Variants in ENPP1 observed in about 807,000 individuals in gnomAD.
ENPP1 encodes ectonucleotide pyrophosphatase/phosphodiesterase family member 1.
A neutral mutation model predicts 122.8 loss-of-function variants in ENPP1; 73 were observed. That is an observed-to-expected ratio of 0.59 (90% confidence interval 0.49 to 0.72). The LOEUF (loss-of-function observed/expected upper bound fraction) is 0.72, where lower values mean the gene tolerates loss of function less well. Ranked by LOEUF, ENPP1 falls within the 30% of genes least tolerant of loss-of-function variation. The pLI, the probability that ENPP1 is intolerant of heterozygous loss-of-function variation, is 0.00. For missense variants in ENPP1, 978 were observed against 1,128.1 expected, an observed-to-expected ratio of 0.87 and a Z score of 1.91; for synonymous variants, 367 against 391.6, an observed-to-expected ratio of 0.94 and a Z score of 0.74.
In ENPP1 at chr6:131,882,335, C is replaced by T. The variant is rs70961712; in HGVS notation, c.2101-10C>T. On this transcript the variant is annotated splice_polypyrimidine_tract_variant and intron_variant, in intron 20 of 24. Coordinates refer to ENST00000647893, the MANE Select transcript of ENPP1 (RefSeq NM_006208.3). Reference sequence around the variant, plus strand: ...GATATCTGAGAGTTCTTCTCATTTTCGTTCTTCAGGACAGTTTCTCTACGG... The same window carrying T: ...GATATCTGAGAGTTCTTCTCATTTTTGTTCTTCAGGACAGTTTCTCTACGG... The T allele has an allele frequency of 3.2e-6, 5 of 1,586,192 alleles. No homozygotes were observed. Among genetic ancestry groups the T allele is most frequent in the Middle Eastern group, 1.7e-4 (1 of 5,922 alleles).
chr6:131,832,560 C>T (rs1206537736), intron 1 of ENPP1, among the ~76,000 whole-genome samples: 2 of 152,220 alleles, frequency 1.3e-5, no homozygotes, highest in African/African-American at 2.4e-5. Flanking sequence ...AAATTCATCT[C>T]TGTTCAGCAC....
chr6:131,823,131 A>G (rs1336319480), intron 1 of ENPP1, among the ~76,000 whole-genome samples: 1 of 152,232 alleles, frequency 6.6e-6, no homozygotes, highest in African/African-American at 2.4e-5. Context: ...ATATTTGTCA[A>G]CCACTTAGAG....
At chr6:131,833,341 C>T (rs1270110849) in intron 1 of ENPP1, among the ~76,000 whole-genome samples, 1 of 151,758 alleles carries the variant, frequency 6.6e-6, no homozygotes, top group East Asian at 1.9e-4. Context: ...TAGCTATTTT[C>T]TTTAAATAGT....
At chr6:131,857,205 C>T (rs1781958635) in intron 6 of ENPP1, among the ~76,000 whole-genome samples, 1 of 150,302 alleles carries the variant, frequency 6.7e-6, no homozygotes, top group Admixed American at 6.6e-5. Flanking sequence ...GTTGGTGGGA[C>T]TGTAAACTAG....
At chr6:131,860,340 A>T in intron 7 of ENPP1, 47 bp from the exon 8 acceptor site, 1 of 1,400,086 alleles carries the variant, frequency 7.1e-7, no homozygotes, top group Non-Finnish European at 1.0e-6. Context: ...AATGTATTTA[A>T]CATTAAGTAA....
At chr6:131,826,993 C>CT (rs1241855197) in intron 1 of ENPP1, 1 of 477,632 alleles carries the variant, frequency 2.1e-6, no homozygotes, top group Non-Finnish European at 3.9e-6. Flanking sequence ...GCAGGATGGT[C>CT]TACTACCAGA....
At chr6:131,821,556 T>A (rs898646757) in intron 1 of ENPP1, among the ~76,000 whole-genome samples, 3 of 152,202 alleles carry the variant, frequency 2.0e-5, no homozygotes, top group Non-Finnish European at 4.4e-5. Flanking sequence ...CATCTCTGTC[T>A]TTCAGGAACC....
chr6:131,880,724 T>G (rs1387116628), intron 20 of ENPP1, among the ~76,000 whole-genome samples: 1 of 152,122 alleles, frequency 6.6e-6, no homozygotes, highest in African/African-American at 2.4e-5. Context: ...GGACAAGTAT[T>G]TCCCTCAGCT....
chr6:131,826,630 T>C (rs998417396), intron 1 of ENPP1: 18 of 871,162 alleles, frequency 2.1e-5, no homozygotes, highest in Non-Finnish European at 2.9e-5. Flanking sequence ...TTCTAGGCTT[T>C]TCTTATTGAC....
rs373044722 is a variant in ENPP1 at position 131,872,926 on chromosome 6, C to T, written c.1441C>T (p.Arg481Trp). The part of the protein sequence containing the change: ...YEGIARNLSC[R>W]EPNQHFKPYL... ...TCTTTGCTGTTTGCAATTTCAGTGCCGGGAACCAAACCAGCACTTCAAACC... is the reference window on the plus strand; with the variant it reads ...TCTTTGCTGTTTGCAATTTCAGTGCTGGGAACCAAACCAGCACTTCAAACC... Residue 481 changes from arginine (R) to tryptophan (W), a missense_variant, in exon 15 of 25, where the codon CGG becomes TGG. Transcript: ENST00000647893. 2.0e-5 allele frequency: 32 copies of T among 1,613,450 alleles called. No homozygotes were observed. Among genetic ancestry groups the T allele is most frequent in the South Asian group, 4.4e-5 (4 of 91,044 alleles).
Position 131,890,607 on chromosome 6 carries a change from C to A in ENPP1, c.*96C>A, listed in dbSNP as rs147396850. 3.5e-6 allele frequency: 4 copies of A among 1,147,826 alleles called. No individual in the cohort carries two copies. Among genetic ancestry groups the A allele is most frequent in the Non-Finnish European group, 5.2e-6 (4 of 764,780 alleles). The allele number at this position is 1,147,826 out of a possible 1,614,324, so 71.1% of individuals were successfully genotyped here. A position where few individuals can be genotyped will look rare whatever the true frequency, so the allele number is the denominator to read the frequency against. ...CACTATTGCATTGTTCAGAAACTGT[C>A]GACCAGAGTTAGAACGGAGCCCTCG... On this transcript the variant is annotated 3_prime_UTR_variant, in exon 25 of 25. Coordinates refer to ENST00000647893, the MANE Select transcript of ENPP1 (RefSeq NM_006208.3).
In ENPP1 at chr6:131,868,121, A is replaced by C; in HGVS notation, c.1268A>C (p.Asp423Ala). The C allele has an allele frequency of 6.2e-7, 1 of 1,605,892 alleles. No individual in the cohort carries two copies. The highest frequency in any genetic ancestry group is 2.2e-5 in the East Asian group (1 of 44,806). ...TGCCTGAACCTCATCCTTATTTCAGATCATGGTAATCTGAATTTGCATTAT... is the reference window on the plus strand; with the variant it reads ...TGCCTGAACCTCATCCTTATTTCAGCTCATGGTAATCTGAATTTGCATTAT... ...HRCLNLILIS[D>A]HGMEQGSCKK... Residue 423 changes from aspartate to alanine, a missense_variant, in exon 12 of 25, where the codon GAT becomes GCT. This residue lies in a region of ENPP1 where 644 missense variants were observed against 781.5 expected (regional missense o/e 0.82). Transcript: ENST00000647893.
In ENPP1 at chr6:131,890,622, C is replaced by T. The variant is rs769001948; in HGVS notation, c.*111C>T. The T allele has an allele frequency of 1.9e-5, 18 of 951,560 alleles. No individual in the cohort carries two copies. The highest frequency in any genetic ancestry group is 1.5e-4 in the East Asian group (6 of 40,064). The allele number at this position is 951,560 out of a possible 1,614,324, so 58.9% of individuals were successfully genotyped here. ...CAGAAACTGTCGACCAGAGTTAGAACGGAGCCCTCGGTGATGCGGACATCT... is the reference window on the plus strand; with the variant it reads ...CAGAAACTGTCGACCAGAGTTAGAATGGAGCCCTCGGTGATGCGGACATCT... On this transcript the variant is annotated 3_prime_UTR_variant, in exon 25 of 25. Transcript: ENST00000647893.
At chr6:131,873,668 A>G (rs867796243) in intron 15 of ENPP1, among the ~76,000 whole-genome samples, 1 of 151,896 alleles carries the variant, frequency 6.6e-6, no homozygotes, top group Admixed American at 6.6e-5. Context: ...ATATCTCACA[A>G]CTTGTTCATT....
intron 6 of ENPP1, among the ~76,000 whole-genome samples, chr6:131,856,999 T>C (rs1781955613): frequency 6.6e-6 from 1 of 152,058 alleles, no homozygotes. Flanking sequence ...ATATGAACTT[T>C]AAAGTAGTTT....
intron 9 of ENPP1, among the ~76,000 whole-genome samples, chr6:131,864,177 G>A (rs113832453): frequency 8.2e-4 from 125 of 152,282 alleles, no homozygotes; most frequent in Non-Finnish European, 1.6e-3. Context: ...CAGTGAGTGA[G>A]TGCTTCATGA....
At chr6:131,817,852 G>A (rs570122953) in intron 1 of ENPP1, among the ~76,000 whole-genome samples, 26 of 151,530 alleles carry the variant, frequency 1.7e-4, no homozygotes, top group Admixed American at 1.6e-3. Flanking sequence ...TCATTTTGGA[G>A]GAAGTAAATT....
intron 5 of ENPP1, among the ~76,000 whole-genome samples, chr6:131,854,101 C>T (rs1308883421): frequency 6.6e-6 from 1 of 152,084 alleles, no homozygotes; most frequent in African/African-American, 2.4e-5. Context: ...TATATTAAGC[C>T]TAAAAACTAA....
chr6:131,882,229 T>C, intron 20 of ENPP1, 116 bp from the exon 21 acceptor site: 1 of 819,286 alleles, frequency 1.2e-6, no homozygotes, highest in Admixed American at 1.9e-5. Flanking sequence ...GGGAAGGACA[T>C]GAGCTGACAG....
Sources: gnomAD v4.1 joint callset for allele counts (sites outside exome capture counted in the v4.1 genomes callset) on GRCh38, gnomAD v4.1.1 for gene constraint, gnomAD v4.1.1 regional missense constraint, MANE v1.5 for transcripts, NCBI Gene and HGNC (gene_info 2026-07-23, HGNC 2026-07-21) for gene names.